Variants in KDM3B observed in about 807,000 individuals in gnomAD.
KDM3B encodes the protein lysine-specific demethylase 3B.
Under a neutral mutation model 170.0 loss-of-function variants are expected in KDM3B, and 10 were observed. The observed-to-expected ratio is 0.06, with a 90% CI of 0.04 to 0.10. The LOEUF (loss-of-function observed/expected upper bound fraction) is 0.10. Among genes scored for constraint, KDM3B ranks in the 10% least tolerant of loss-of-function variants. The pLI is 1.00. For synonymous variants in KDM3B, 831 were observed against 834.8 expected (o/e 1.00, Z 0.08); for missense variants, 1,394 against 2,195.2 (o/e 0.64, Z 7.29).
chr5:138,379,751 T>TAA, intron 5 of KDM3B, 43 bp downstream of exon 5: 1 of 1,567,134 alleles, frequency 6.4e-7, no homozygotes, highest in Non-Finnish European at 8.6e-7. Context: ...TCCATCCCCT[T>TAA]AAAGAGGATG....
chr5:138,418,810 T>C, intron 13 of KDM3B, 143 bp from the exon 14 acceptor site: 1 of 803,390 alleles, frequency 1.2e-6, no homozygotes, highest in South Asian at 1.7e-5. Context: ...AATAAATATA[T>C]GTTGAATTAA....
chr5:138,385,442 A>G (rs1476209795), intron 6 of KDM3B, among the ~76,000 whole-genome samples: 1 of 152,224 alleles, frequency 6.6e-6, no homozygotes, highest in African/African-American at 2.4e-5. Flanking sequence ...CATGTTGGCC[A>G]GGATGGTCTC....
At chr5:138,369,788 T>A (rs985546502) in intron 1 of KDM3B, among the ~76,000 whole-genome samples, 1 of 152,236 alleles carries the variant, frequency 6.6e-6, no homozygotes, top group African/African-American at 2.4e-5. Context: ...TGACATACTA[T>A]TGCCCAAATA....
Position 138,427,172 on chromosome 5 carries a change from T to G in KDM3B, c.4503-17T>G. The G allele has an allele frequency of 6.2e-7, 1 of 1,609,136 alleles. No homozygotes were observed. Among genetic ancestry groups the G allele is most frequent in the Non-Finnish European group, 8.5e-7 (1 of 1,175,638 alleles). On this transcript the variant is annotated splice_polypyrimidine_tract_variant and intron_variant, in intron 18 of 23. Transcript: ENST00000314358. ...TCCCCTATAACAAGCTAAGTCATCT[T>G]TCCTGCACTTTTATAGGTTTGAAGA...
intron 9 of KDM3B, among the ~76,000 whole-genome samples, 161 bp downstream of exon 9, chr5:138,393,533 T>A (rs981928618): frequency 6.6e-6 from 1 of 152,248 alleles, no homozygotes; most frequent in African/African-American, 2.4e-5. Flanking sequence ...TAGTAGTCAC[T>A]TAGTTGTTTG....
intron 7 of KDM3B, among the ~76,000 whole-genome samples, chr5:138,390,160 C>T (rs1762391965): frequency 6.6e-6 from 1 of 151,852 alleles, no homozygotes; most frequent in Admixed American, 6.6e-5. Context: ...CGCCAGGCCC[C>T]ATTCTTCTTT....
At chr5:138,427,614 GA>G (rs1214193535) in intron 19 of KDM3B, among the ~76,000 whole-genome samples, 1 of 152,156 alleles carries the variant, frequency 6.6e-6, no homozygotes, top group African/African-American at 2.4e-5. Context: ...GAATAATAAT[GA>G]AGAGGTCTGG....
At chr5:138,385,335 C>T (rs933748215) in intron 6 of KDM3B, among the ~76,000 whole-genome samples, 7 of 152,084 alleles carry the variant, frequency 4.6e-5, no homozygotes, top group East Asian at 1.9e-4. Flanking sequence ...TGGGTTCAAG[C>T]GATTCCCTTG....
At chr5:138,354,142 C>T (rs1254381331) in intron 1 of KDM3B, among the ~76,000 whole-genome samples, 3 of 152,056 alleles carry the variant, frequency 2.0e-5, no homozygotes, top group African/African-American at 4.8e-5. Flanking sequence ...TTAGACTGTC[C>T]TTTTTCACTA....
intron 15 of KDM3B, among the ~76,000 whole-genome samples, chr5:138,422,745 T>A (rs891748832): frequency 6.6e-6 from 1 of 152,218 alleles, no homozygotes; most frequent in Non-Finnish European, 1.5e-5. Flanking sequence ...TTTCTCGAGA[T>A]ATTATCATAT....
In KDM3B at chr5:138,419,174, C is replaced by T; in HGVS notation, c.3657C>T (p.Ser1219=). 1.2e-6 allele frequency: 2 copies of T among 1,614,208 alleles called. No homozygotes were observed. Among genetic ancestry groups the T allele is most frequent in the Admixed American group, 1.7e-5 (1 of 60,022 alleles). ...RPPCPDTAPP[S]SALHWLADLA... is the part of the protein sequence containing the mutation. The stretch of plus-strand genomic sequence containing the variant: ...CTTGCCCTGACACGGCCCCACCCTC[C>T]TCCGCCCTGCACTGGTTGGCAGATT... The change falls in exon 14 of 24, where the codon TCC becomes TCT. Residue 1219 remains serine, a synonymous_variant. Coordinates refer to ENST00000314358, the MANE Select transcript of KDM3B (RefSeq NM_016604.4).
chr5:138,415,028 T>C lies in KDM3B; in HGVS notation c.3200-104T>C, dbSNP rs1219947385. On this transcript the variant is annotated intron_variant, in intron 11 of 23. Coordinates refer to ENST00000314358, the MANE Select transcript of KDM3B (RefSeq NM_016604.4). ...TTTTTTTAAGTTAGCTGTTATCTCC[T>C]TCAGCCATGAGAAAATTGGCCTTTG... 4.8e-6 allele frequency: 3 copies of C among 628,252 alleles called. No homozygotes were observed. In the African/African-American group the frequency reaches 5.4e-5, roughly 11 times the overall value. The allele number at this position is 628,252 out of a possible 1,614,324, so 38.9% of individuals were successfully genotyped here.
chr5:138,375,370 TTTTA>T (rs1233197622), intron 3 of KDM3B, among the ~76,000 whole-genome samples, 164 bp downstream of exon 3: 2 of 150,952 alleles, frequency 1.3e-5, no homozygotes, highest in African/African-American at 2.4e-5. Flanking sequence ...TTTTATTTTA[TTTTA>T]TTTATTTATT....
At chr5:138,434,693 T>A (rs1375294524) in intron 23 of KDM3B, among the ~76,000 whole-genome samples, 1 of 152,230 alleles carries the variant, frequency 6.6e-6, no homozygotes, top group Non-Finnish European at 1.5e-5. Flanking sequence ...GATATAGATA[T>A]ATTTTTTTAA....
rs141122138 is a variant in KDM3B, at chr5:138,359,305, G to T, written c.192+6318G>T. 2.8e-3 allele frequency among the ~76,000 whole-genome samples: 431 copies of T among 151,896 alleles called. 6 individuals are homozygous for T. Among genetic ancestry groups the T allele is most frequent in the Middle Eastern group, 0.014 (4 of 294 alleles). On this transcript the variant is annotated intron_variant, in intron 1 of 23. Transcript: ENST00000314358. The stretch of plus-strand genomic sequence containing the variant: ...GTCTCCTGCGTAGTTGTGATTACAG[G>T]CGTGTGCCACCATGCCCGGCTAATG...
At position 138,376,083 on chromosome 5, in the gene KDM3B, T is replaced by G. The variant is rs577192749; in HGVS notation, c.474+877T>G. 1.2e-4 allele frequency among the ~76,000 whole-genome samples: 18 copies of G among 152,232 alleles called. No homozygotes were observed. In the South Asian group the frequency reaches 3.7e-3, roughly 32 times the overall value. On this transcript the variant is annotated intron_variant, in intron 3 of 23. Transcript: ENST00000314358. ...CGTCCACCTCCCGGTTTCAAGTGAT[T>G]CTTGTGCCTCAGCCTCCCAACTAGC...
In KDM3B at chr5:138,391,298, T is replaced by C; in HGVS notation, c.1666T>C (p.Ser556Pro). The change falls in exon 8 of 24, where the codon TCA becomes CCA. Residue 556 changes from serine to proline, a missense_variant. Ser to Pro is a moderately conservative substitution (Grantham distance 74). This residue lies in a region of KDM3B where 294 missense variants were observed against 311.7 expected (regional missense o/e 0.94). Transcript: ENST00000314358. The surrounding 1 kb of genome is among the most constrained non-coding windows in gnomAD (Gnocchi z 5.0). ...SLADDSSSRD[S>P]FKQSLESLSS... ...GGCTGATGATTCTTCTAGTCGGGACTCATTCAAACAAAGCCTTGAGAGCCT... is the reference window on the plus strand; with the variant it reads ...GGCTGATGATTCTTCTAGTCGGGACCCATTCAAACAAAGCCTTGAGAGCCT... 6.2e-7 allele frequency: 1 copy of C among 1,614,180 alleles called. No individual in the cohort carries two copies. The highest frequency in any genetic ancestry group is 8.5e-7 in the Non-Finnish European group (1 of 1,180,034).
intron 1 of KDM3B, among the ~76,000 whole-genome samples, chr5:138,359,552 T>C (rs1422924495): frequency 7.0e-6 from 1 of 143,544 alleles, no homozygotes; most frequent in Non-Finnish European, 1.5e-5. Flanking sequence ...AGTGATCCAC[T>C]CAGCTCGGCC....
chr5:138,391,611 C>G lies in KDM3B; in HGVS notation c.1979C>G (p.Ser660Cys). 3 of 1,614,132 alleles carry G rather than the reference C, an allele frequency of 1.9e-6. No homozygotes were observed. The highest frequency in any genetic ancestry group is 2.5e-6 in the Non-Finnish European group (3 of 1,180,032). Residue 660 changes from serine (S) to cysteine (C), a missense_variant, in exon 8 of 24, where the codon TCC becomes TGC. Physicochemically the swap from Ser to Cys is moderately radical, Grantham distance 112 (BLOSUM62 -1). Coordinates refer to ENST00000314358, the MANE Select transcript of KDM3B (RefSeq NM_016604.4). This position sits in a 1 kb window ranked among gnomAD's most constrained non-coding sequence, Gnocchi z 5.0. ...SSFASQASGS[S>C]SSATTVTSKV... ...TTTGCATCTCAGGCATCAGGTAGCT[C>G]CTCTTCTGCTACCACTGTCACCTCC...
Sources: gnomAD v4.1 joint callset for allele counts (sites outside exome capture counted in the v4.1 genomes callset) on GRCh38, gnomAD v4.1.1 for gene constraint, gnomAD v4.1.1 regional missense constraint, Gnocchi (gnomAD v3.1) non-coding constraint, MANE v1.5 for transcripts, NCBI Gene and HGNC (gene_info 2026-07-23, HGNC 2026-07-21) for gene names.